Variants in DSCAM observed in about 807,000 individuals in gnomAD.
DSCAM encodes the protein cell adhesion molecule DSCAM.
A neutral mutation model predicts 217.7 loss-of-function variants in DSCAM; 47 were observed. The ratio of observed to expected loss-of-function variants is 0.22; its 90% confidence interval spans 0.17 to 0.28. DSCAM has a LOEUF of 0.28. Among genes scored for constraint, DSCAM ranks in the 10% least tolerant of loss-of-function variants. The pLI is 1.00. For missense variants in DSCAM, 2,080 were observed against 2,618.3 expected, an observed-to-expected ratio of 0.79 and a Z score of 4.49; for synonymous variants, 1,056 against 1,015.3, an observed-to-expected ratio of 1.04 and a Z score of -0.76.
At chr21:40,488,193 A>G (rs2076046060) in intron 3 of DSCAM, among the ~76,000 whole-genome samples, 1 of 152,182 alleles carries the variant, frequency 6.6e-6, no homozygotes, top group Admixed American at 6.5e-5. Context: ...TGTACTCCGC[A>G]CCTGGAACAG....
intron 3 of DSCAM, among the ~76,000 whole-genome samples, chr21:40,582,999 A>C (rs369327425): frequency 5.3e-5 from 8 of 152,196 alleles, no homozygotes; most frequent in African/African-American, 1.7e-4. Context: ...AGATGAATTA[A>C]ACTTACCAAA....
intron 4 of DSCAM, among the ~76,000 whole-genome samples, chr21:40,358,776 T>A (rs993159394): frequency 1.4e-5 from 2 of 141,106 alleles, no homozygotes; most frequent in African/African-American, 5.5e-5. Context: ...CATTCCAGCC[T>A]GGGCAACAAA....
chr21:40,403,517 T>G (rs1232984750), intron 3 of DSCAM, among the ~76,000 whole-genome samples: 2 of 152,060 alleles, frequency 1.3e-5, no homozygotes, highest in African/African-American at 2.4e-5. Context: ...AAATCAGACT[T>G]GTGGTTTAAC....
intron 32 of DSCAM, among the ~76,000 whole-genome samples, chr21:40,020,324 C>CTT (rs2088240087): frequency 6.6e-6 from 1 of 152,208 alleles, no homozygotes; most frequent in Non-Finnish European, 1.5e-5. Context: ...ATTACCCAGT[C>CTT]TCAGGCAACA....
chr21:40,054,945 A>G (rs1282635674), intron 29 of DSCAM, among the ~76,000 whole-genome samples: 1 of 152,228 alleles, frequency 6.6e-6, no homozygotes, highest in African/African-American at 2.4e-5. Flanking sequence ...TATAAAAACT[A>G]TGTGACATTT....
chr21:40,615,281 C>CAAAAAAAAAAAA (rs34306422), intron 3 of DSCAM: 14 of 83,988 alleles, frequency 1.7e-4, no homozygotes, highest in South Asian at 4.5e-4. Context: ...GACTCTGTCT[C>CAAAAAAAAAAAA]AAAAAAAAAA....
intron 9 of DSCAM, among the ~76,000 whole-genome samples, chr21:40,307,997 T>C (rs184613558): frequency 4.6e-5 from 7 of 151,008 alleles, no homozygotes; most frequent in Non-Finnish European, 8.9e-5. Context: ...GACGAGTTGA[T>C]GGGTGCAGCA....
intron 18 of DSCAM, among the ~76,000 whole-genome samples, chr21:40,135,215 T>G (rs1057400281): frequency 3.3e-5 from 5 of 152,208 alleles, no homozygotes; most frequent in African/African-American, 1.2e-4. Flanking sequence ...CCAGCAGGTC[T>G]GGGGAGTTCC....
intron 4 of DSCAM, among the ~76,000 whole-genome samples, chr21:40,355,589 CTCTCT>C (rs1187648363): frequency 6.6e-6 from 1 of 152,212 alleles, no homozygotes; most frequent in East Asian, 1.9e-4. Context: ...TCACCCTGCT[CTCTCT>C]TCTAATTCAA....
rs1416933694 is a variant in DSCAM at position 40,182,988 on chromosome 21, GGTTA to G, written c.2780-3898_2780-3895del. On this transcript the variant is annotated intron_variant, in intron 14 of 32. Coordinates refer to ENST00000400454, the MANE Select transcript of DSCAM (RefSeq NM_001389.5). ...TACCAGAGAAACCGTGGACGGGGGG[GGTTA>G]CCAGAGAAACCGTGGACAGAACGGG... Among the ~76,000 whole-genome samples the G allele has an allele frequency of 2.2e-4, 4 of 17,976 alleles. 2 individuals are homozygous for G. Among genetic ancestry groups the G allele is most frequent in the Non-Finnish European group, 3.9e-4 (4 of 10,156 alleles). 11.8% of individuals were successfully genotyped at this position (17,976 alleles called of 152,430 possible). A position where few individuals can be genotyped will look rare whatever the true frequency, so the allele number is the denominator to read the frequency against.
At chr21:40,323,985 T>C (rs914051581) in intron 8 of DSCAM, among the ~76,000 whole-genome samples, 1 of 150,950 alleles carries the variant, frequency 6.6e-6, no homozygotes, top group African/African-American at 2.4e-5. Flanking sequence ...ACCCCTGTAA[T>C]CCCAGTTACT....
chr21:40,580,680 G>C (rs1367123187), intron 3 of DSCAM, among the ~76,000 whole-genome samples: 1 of 152,146 alleles, frequency 6.6e-6, no homozygotes, highest in Non-Finnish European at 1.5e-5. Flanking sequence ...AGGAAATAGA[G>C]AATCATCTAA....
intron 16 of DSCAM, among the ~76,000 whole-genome samples, chr21:40,154,027 C>A (rs1427094364): frequency 6.6e-6 from 1 of 152,158 alleles, no homozygotes; most frequent in African/African-American, 2.4e-5. Context: ...TTCTGCTTTA[C>A]AATAGGTATA....
chr21:40,688,971 A>C lies in DSCAM; in HGVS notation c.508+3839T>G, dbSNP rs896368521. 3.9e-5 allele frequency among the ~76,000 whole-genome samples: 6 copies of C among 152,204 alleles called. No homozygotes were observed. In the East Asian group the frequency reaches 1.2e-3, roughly 29 times the overall value. On this transcript the variant is annotated intron_variant, in intron 3 of 32. Coordinates refer to ENST00000400454, the MANE Select transcript of DSCAM (RefSeq NM_001389.5). ...TGATTCCTGCGTCTACCTTCAGGCCAACCGAAGCCTGTCCTGGAAAGAAAT... is the reference window on the plus strand; with the variant it reads ...TGATTCCTGCGTCTACCTTCAGGCCCACCGAAGCCTGTCCTGGAAAGAAAT...
intron 3 of DSCAM, among the ~76,000 whole-genome samples, chr21:40,503,595 T>C (rs990107937): frequency 6.6e-6 from 1 of 152,232 alleles, no homozygotes; most frequent in African/African-American, 2.4e-5. Flanking sequence ...GCACATCCGC[T>C]GATTTTCAGT....
At chr21:40,342,202 G>T (rs1458560146) in intron 6 of DSCAM, among the ~76,000 whole-genome samples, 2 of 151,604 alleles carry the variant, frequency 1.3e-5, no homozygotes, top group Non-Finnish European at 2.9e-5. Context: ...TATATATATA[G>T]TATCTATGTC....
intron 1 of DSCAM, among the ~76,000 whole-genome samples, chr21:40,789,038 A>C (rs1289160186): frequency 6.6e-6 from 1 of 152,146 alleles, no homozygotes; most frequent in Non-Finnish European, 1.5e-5. Flanking sequence ...GTCGGTATTC[A>C]TTATGCTTGG....
chr21:40,484,973 C>A (rs1178211596), intron 3 of DSCAM, among the ~76,000 whole-genome samples: 1 of 152,176 alleles, frequency 6.6e-6, no homozygotes. Context: ...CCTGCTCCTT[C>A]ATTTCCACTC....
intron 20 of DSCAM, among the ~76,000 whole-genome samples, chr21:40,111,761 C>T (rs1292288869): frequency 2.0e-5 from 3 of 152,048 alleles, no homozygotes; most frequent in African/African-American, 7.2e-5. Context: ...GCAGGGGTTG[C>T]AATCCCAGTC....
Sources: allele counts gnomAD v4.1 joint callset (sites outside exome capture counted in the v4.1 genomes callset), GRCh38; gene constraint gnomAD v4.1.1; transcripts MANE v1.5; gene names NCBI Gene and HGNC (gene_info 2026-07-23, HGNC 2026-07-21).